The following ITGA11 variants were observed in gnomAD, a reference collection of about 807,000 sequenced individuals.
ITGA11 encodes integrin subunit alpha 11, also known as integrin alpha-11.
Under a neutral mutation model 141.9 loss-of-function variants are expected in ITGA11, and 97 were observed. The ratio of observed to expected loss-of-function variants is 0.68; its 90% CI spans 0.58 to 0.81. The LOEUF is 0.81. Ranked by LOEUF, ITGA11 falls within the 30% of genes least tolerant of loss-of-function variation. The pLI, the probability that ITGA11 is intolerant of heterozygous loss-of-function variation, is 0.00. For missense variants in ITGA11, 1,387 were observed against 1,559.2 expected, an observed-to-expected ratio of 0.89 and a Z score of 1.86; for synonymous variants, 658 against 624.6, an observed-to-expected ratio of 1.05 and a Z score of -0.80.
Position 68,370,930 on chromosome 15 carries a change from G to A in ITGA11, c.165-1646C>T, listed in dbSNP as rs138376162. ...TGTGGTCCATTGCTCTCCCTGCCCC[G>A]GTCCACCTTGGCGCTGTCAGGAAGG... On this transcript the variant is annotated intron_variant, in intron 2 of 29. Transcript: ENST00000315757. Among the ~76,000 whole-genome samples, 401 of 152,274 alleles carry A rather than the reference G, an allele frequency of 2.6e-3. 3 individuals carry two copies. The highest frequency in any genetic ancestry group is 9.0e-3 in the African/African-American group (372 of 41,558).
At chr15:68,351,581 C>T (rs1269996598) in intron 7 of ITGA11, among the ~76,000 whole-genome samples, 179 bp from the exon 8 acceptor site, 1 of 152,236 alleles carries the variant, frequency 6.6e-6, no homozygotes, top group Non-Finnish European at 1.5e-5. Flanking sequence ...GCTACTCTTT[C>T]ACCAGCTGCT....
intron 2 of ITGA11, among the ~76,000 whole-genome samples, chr15:68,375,664 CCT>C (rs1429496871): frequency 7.2e-5 from 11 of 152,290 alleles, no homozygotes; most frequent in East Asian, 3.9e-4. Flanking sequence ...AACGAGAGCC[CCT>C]CTGTTTGCAC....
At chr15:68,310,549 A>C (rs1893346392) in intron 26 of ITGA11, among the ~76,000 whole-genome samples, 1 of 152,240 alleles carries the variant, frequency 6.6e-6, no homozygotes, top group African/African-American at 2.4e-5. Context: ...GCTGGTCTGC[A>C]TTCCATCTCT....
intron 28 of ITGA11, among the ~76,000 whole-genome samples, chr15:68,306,516 C>G (rs1000175952): frequency 6.6e-6 from 1 of 152,220 alleles, no homozygotes; most frequent in Admixed American, 6.5e-5. Context: ...TGCACTCACC[C>G]ATTTATTGTC....
chr15:68,364,878 C>T lies in ITGA11; in HGVS notation c.266-80G>A, dbSNP rs756763996. On this transcript the variant is annotated intron_variant, in intron 3 of 29. Coordinates refer to ENST00000315757, the MANE Select transcript of ITGA11 (RefSeq NM_001004439.2). The stretch of plus-strand genomic sequence containing the variant: ...AGAGCCTGCTGCTGGTCTGGTCACC[C>T]GAGGTGCCTCCCCGATTCTCCCTGA... 2.5e-5 allele frequency: 34 copies of T among 1,358,612 alleles called. No homozygotes were observed. The African/African-American group carries it at 2.6e-4, about 10-fold the overall frequency. 84.2% of individuals were successfully genotyped at this position (1,358,612 alleles called of 1,614,324 possible).
At chr15:68,392,894 G>T (rs768751542) in intron 2 of ITGA11, among the ~76,000 whole-genome samples, 2 of 152,086 alleles carry the variant, frequency 1.3e-5, no homozygotes, top group Admixed American at 6.6e-5. Context: ...AGATAAAATA[G>T]TCACCAGAAG....
At chr15:68,312,251 G>A (rs1893413229) in intron 24 of ITGA11, among the ~76,000 whole-genome samples, 1 of 150,662 alleles carries the variant, frequency 6.6e-6, no homozygotes, top group African/African-American at 2.5e-5. Flanking sequence ...ATAAAGAGAG[G>A]TCACTGGAAG....
chr15:68,369,586 G>A (rs1272554304), intron 2 of ITGA11, among the ~76,000 whole-genome samples: 1 of 152,304 alleles, frequency 6.6e-6, no homozygotes, highest in Non-Finnish European at 1.5e-5. Context: ...GTAGAGGAGG[G>A]GGCGATGTTT....
chr15:68,309,104 G>C (rs1483525332), intron 26 of ITGA11, among the ~76,000 whole-genome samples: 2 of 152,200 alleles, frequency 1.3e-5, no homozygotes, highest in African/African-American at 4.8e-5. Flanking sequence ...AATTATAACG[G>C]ATAAAAGATG....
rs949877724 is a variant in ITGA11 at position 68,313,643 on chromosome 15, C to G, written c.2882+136G>C. On this transcript the variant is annotated intron_variant, in intron 23 of 29. Coordinates refer to ENST00000315757, the MANE Select transcript of ITGA11 (RefSeq NM_001004439.2). Reference sequence around the variant, plus strand: ...TGCACTCTCTGACCCACCAGGGACACTCTTGGCTCCATCCATAGTCCCTTA... The same window carrying G: ...TGCACTCTCTGACCCACCAGGGACAGTCTTGGCTCCATCCATAGTCCCTTA... 6.0e-6 allele frequency: 4 copies of G among 664,176 alleles called. No individual in the cohort carries two copies. The African/African-American group carries it at 7.2e-5, about 12-fold the overall frequency. 41.1% of individuals were successfully genotyped at this position (664,176 alleles called of 1,614,324 possible).
chr15:68,392,873 G>T (rs1896152805), intron 2 of ITGA11, among the ~76,000 whole-genome samples: 1 of 152,074 alleles, frequency 6.6e-6, no homozygotes, highest in African/African-American at 2.4e-5. Flanking sequence ...AGGAAAAAAT[G>T]GATAACCATG....
At chr15:68,317,143 C>G (rs538895617) in intron 21 of ITGA11, 122 bp downstream of exon 21, 1 of 724,840 alleles carries the variant, frequency 1.4e-6, no homozygotes, top group East Asian at 2.5e-5. Flanking sequence ...AAAGCCACCT[C>G]AGGCCTCCCA....
intron 1 of ITGA11, among the ~76,000 whole-genome samples, chr15:68,409,882 C>G (rs548025240): frequency 6.6e-6 from 1 of 152,192 alleles, no homozygotes; most frequent in Non-Finnish European, 1.5e-5. Context: ...TCACGGGTCC[C>G]GTGCCATCCA....
chr15:68,344,639 G>A (rs1417386325), intron 10 of ITGA11, among the ~76,000 whole-genome samples: 1 of 151,936 alleles, frequency 6.6e-6, no homozygotes. Flanking sequence ...GGGAGAAAGA[G>A]GACTACAAAT....
chr15:68,363,219 C>A (rs1895308082), intron 4 of ITGA11, among the ~76,000 whole-genome samples: 1 of 152,100 alleles, frequency 6.6e-6, no homozygotes, highest in Non-Finnish European at 1.5e-5. Context: ...ATGAGTGAAT[C>A]AATGAACAGG....
At chr15:68,365,835 G>A (rs915002764) in intron 3 of ITGA11, among the ~76,000 whole-genome samples, 17 of 151,748 alleles carry the variant, frequency 1.1e-4, no homozygotes, top group African/African-American at 3.6e-4. Flanking sequence ...TCCCAGGTTC[G>A]AGCAATGGGA....
intron 2 of ITGA11, among the ~76,000 whole-genome samples, chr15:68,376,183 TCAC>T (rs1469722902): frequency 6.6e-6 from 1 of 151,396 alleles, no homozygotes; most frequent in Non-Finnish European, 1.5e-5. Flanking sequence ...TCCACCCTCT[TCAC>T]CACGCCTTCT....
In ITGA11 at chr15:68,332,495, G is replaced by C; in HGVS notation, c.1426-17C>G. ...AGAGCCTATCTGCGGCACGTGATGG[G>C]AGAGAGGAGTGGGCTGGCTGCCCAG... is the stretch of plus-strand genomic sequence containing the variant. On this transcript the variant is annotated splice_polypyrimidine_tract_variant and intron_variant, in intron 12 of 29. Coordinates refer to ENST00000315757, the MANE Select transcript of ITGA11 (RefSeq NM_001004439.2). The C allele has an allele frequency of 6.2e-7, 1 of 1,610,052 alleles. No homozygotes were observed.
At chr15:68,380,398 T>G (rs1895830389) in intron 2 of ITGA11, among the ~76,000 whole-genome samples, 1 of 152,178 alleles carries the variant, frequency 6.6e-6, no homozygotes, top group Non-Finnish European at 1.5e-5. Flanking sequence ...CACATTCTGT[T>G]CAAAGAAATA....
Sources: allele counts gnomAD v4.1 joint callset (sites outside exome capture counted in the v4.1 genomes callset), GRCh38; gene constraint gnomAD v4.1.1; transcripts MANE v1.5; gene names NCBI Gene and HGNC (gene_info 2026-07-23, HGNC 2026-07-21).